The following ARHGAP18 variants were observed in gnomAD, a reference collection of about 807,000 sequenced individuals.
The protein encoded by ARHGAP18 is Rho GTPase activating protein 18, also known as rho GTPase-activating protein 18.
In ARHGAP18, 67 loss-of-function variants were observed where a neutral mutation model predicts 86.2. The ratio of observed to expected loss-of-function variants is 0.78; its 90% CI spans 0.64 to 0.95. The LOEUF is 0.95. Among genes scored for constraint, ARHGAP18 ranks in the 40% least tolerant of loss-of-function variants. The pLI is 0.00. For missense variants in ARHGAP18, 691 were observed against 780.4 expected (o/e 0.89, Z 1.37); for synonymous variants, 283 against 280.4 (o/e 1.01, Z -0.09).
intron 1 of ARHGAP18, among the ~76,000 whole-genome samples, chr6:129,679,928 C>T (rs1457844697): frequency 6.6e-6 from 1 of 152,202 alleles, no homozygotes; most frequent in East Asian, 1.9e-4. Flanking sequence ...CAGTCCTTGC[C>T]TCTTCCAGTG....
intron 3 of ARHGAP18, 118 bp from the exon 4 acceptor site, chr6:129,634,223 A>G (rs1773283163): frequency 1.3e-6 from 1 of 796,142 alleles, no homozygotes. Flanking sequence ...AATTATAACA[A>G]TCACAGTGAA....
At chr6:129,698,698 T>G (rs1444718801) in intron 1 of ARHGAP18, among the ~76,000 whole-genome samples, 3 of 148,982 alleles carry the variant, frequency 2.0e-5, no homozygotes, top group African/African-American at 7.4e-5. Flanking sequence ...CCAGTTTTTT[T>G]TTTTTTTTTT....
At chr6:129,702,018 C>T (rs1774718819) in intron 1 of ARHGAP18, among the ~76,000 whole-genome samples, 1 of 152,168 alleles carries the variant, frequency 6.6e-6, no homozygotes, top group Admixed American at 6.5e-5. Flanking sequence ...GCCTCCTTTC[C>T]CTATGACCCA....
chr6:129,704,134 A>T (rs1024053200), intron 1 of ARHGAP18, among the ~76,000 whole-genome samples: 8 of 152,148 alleles, frequency 5.3e-5, no homozygotes, highest in Admixed American at 1.3e-4. Flanking sequence ...TGTTTATCTC[A>T]AAAAGATATT....
chr6:129,640,161 CACA>C (rs1401568795), intron 2 of ARHGAP18, among the ~76,000 whole-genome samples: 1 of 148,958 alleles, frequency 6.7e-6, no homozygotes, highest in Non-Finnish European at 1.5e-5. Flanking sequence ...GATATTGTTA[CACA>C]ACAAGGAAAA....
intron 8 of ARHGAP18, 130 bp from the exon 9 acceptor site, chr6:129,608,182 C>T: frequency 1.1e-6 from 1 of 949,486 alleles, no homozygotes; most frequent in South Asian, 2.4e-5. Flanking sequence ...ATCAGACTAC[C>T]AAAAGTCAAT....
At chr6:129,625,931 TA>T (rs1789447785) in intron 5 of ARHGAP18, among the ~76,000 whole-genome samples, 1 of 102,596 alleles carries the variant, frequency 9.7e-6, no homozygotes, top group African/African-American at 3.8e-5. Context: ...GATATTTATA[TA>T]TTATATATTA....
chr6:129,604,832 G>A (rs1247588020), intron 10 of ARHGAP18, among the ~76,000 whole-genome samples: 1 of 152,202 alleles, frequency 6.6e-6, no homozygotes, highest in Non-Finnish European at 1.5e-5. Flanking sequence ...AGCGGACGTA[G>A]CGTTTTACCT....
At chr6:129,603,516 A>C (rs1430948134) in intron 10 of ARHGAP18, among the ~76,000 whole-genome samples, 2 of 152,154 alleles carry the variant, frequency 1.3e-5, no homozygotes, top group Non-Finnish European at 2.9e-5. Context: ...GTACCAGCAC[A>C]ATTACTTAGT....
intron 12 of ARHGAP18, among the ~76,000 whole-genome samples, chr6:129,597,203 T>C (rs1280272759): frequency 6.6e-6 from 1 of 151,724 alleles, no homozygotes; most frequent in Non-Finnish European, 1.5e-5. Context: ...TGGAGTGCAG[T>C]GGCGCAATCT....
chr6:129,671,982 A>G (rs1048635497), intron 1 of ARHGAP18, among the ~76,000 whole-genome samples: 1 of 152,174 alleles, frequency 6.6e-6, no homozygotes, highest in Non-Finnish European at 1.5e-5. Flanking sequence ...GCCTCTGAGA[A>G]CACAGAAGTT....
chr6:129,635,982 C>A (rs539794076), intron 3 of ARHGAP18, among the ~76,000 whole-genome samples: 46 of 152,320 alleles, frequency 3.0e-4, no homozygotes, highest in Non-Finnish European at 6.0e-4. Flanking sequence ...TGGAGACTGG[C>A]AGAAATCCCA....
At chr6:129,605,774 T>C in intron 10 of ARHGAP18, 103 bp downstream of exon 10, 1 of 1,070,354 alleles carries the variant, frequency 9.3e-7, no homozygotes. Flanking sequence ...TATAGACTTT[T>C]ATGACCATGT....
intron 4 of ARHGAP18, among the ~76,000 whole-genome samples, chr6:129,631,853 G>A (rs1183489979): frequency 6.6e-6 from 1 of 151,676 alleles, no homozygotes; most frequent in Admixed American, 6.6e-5. Context: ...AAAAATTATT[G>A]GGGCATTATT....
At chr6:129,633,779 A>T (rs1773266650) in intron 4 of ARHGAP18, among the ~76,000 whole-genome samples, 2 of 152,188 alleles carry the variant, frequency 1.3e-5, no homozygotes, top group South Asian at 4.1e-4. Flanking sequence ...TGAGGTAAAC[A>T]TCTCCTGATA....
chr6:129,650,744 A>AC (rs2114508977), intron 1 of ARHGAP18, among the ~76,000 whole-genome samples: 1 of 152,216 alleles, frequency 6.6e-6, no homozygotes, highest in East Asian at 1.9e-4. Context: ...TTTCTCCAGG[A>AC]CCCTCTATCT....
At chr6:129,674,292 G>C (rs1354842751) in intron 1 of ARHGAP18, among the ~76,000 whole-genome samples, 1 of 152,178 alleles carries the variant, frequency 6.6e-6, no homozygotes, top group East Asian at 1.9e-4. Flanking sequence ...GTGAAATCTT[G>C]AATGTCACTT....
At chr6:129,650,733 C>A (rs1227320521) in intron 1 of ARHGAP18, among the ~76,000 whole-genome samples, 1 of 152,218 alleles carries the variant, frequency 6.6e-6, no homozygotes, top group Non-Finnish European at 1.5e-5. Flanking sequence ...ACCTGATGTT[C>A]TTTCTCCAGG....
intron 1 of ARHGAP18, among the ~76,000 whole-genome samples, chr6:129,669,986 T>C (rs1774113879): frequency 6.6e-6 from 1 of 152,248 alleles, no homozygotes; most frequent in Non-Finnish European, 1.5e-5. Context: ...TTTGGCACAC[T>C]ATAATCCCTG....
Sources: gnomAD v4.1 joint callset for allele counts (sites outside exome capture counted in the v4.1 genomes callset) on GRCh38, gnomAD v4.1.1 for gene constraint, MANE v1.5 for transcripts, NCBI Gene and HGNC (gene_info 2026-07-23, HGNC 2026-07-21) for gene names.